The following ZMYM1 variants were observed in gnomAD, a reference collection of about 807,000 sequenced individuals.
ZMYM1 encodes the protein zinc finger MYM-type containing 1.
A neutral mutation model predicts 60.0 loss-of-function variants in ZMYM1; 39 were observed. The ratio of observed to expected loss-of-function variants is 0.65; its 90% CI spans 0.50 to 0.85. ZMYM1 has a LOEUF of 0.85. Ranked by LOEUF, ZMYM1 falls within the 40% of genes least tolerant of loss-of-function variation. The probability of loss-of-function intolerance (pLI) is 0.00; values close to 1 mark genes in which losing one functional copy is unlikely to be tolerated. For missense variants in ZMYM1, 1,171 were observed against 1,309.5 expected, an observed-to-expected ratio of 0.89 and a Z score of 1.63; for synonymous variants, 413 against 454.0, an observed-to-expected ratio of 0.91 and a Z score of 1.15.
intron 6 of ZMYM1, among the ~76,000 whole-genome samples, chr1:35,106,170 G>T (rs1643884097): frequency 6.6e-6 from 1 of 152,120 alleles, no homozygotes. Context: ...AGTATTATTT[G>T]TCCCTATTTC....
At chr1:35,108,650 G>A (rs1330322321) in intron 6 of ZMYM1, among the ~76,000 whole-genome samples, 1 of 151,310 alleles carries the variant, frequency 6.6e-6, no homozygotes, top group African/African-American at 2.4e-5. Context: ...ACCGTGCCCA[G>A]CCTGTCTGTG....
In ZMYM1 at chr1:35,088,470, G is replaced by A. The variant is rs1376840907; in HGVS notation, c.-74-5444G>A. On this transcript the variant is annotated intron_variant, in intron 1 of 9. Coordinates refer to ENST00000359858, the MANE Select transcript of ZMYM1 (RefSeq NM_024772.5). ...TATATATATATGTGTGTGTGTGTGT[G>A]TGTGTGTGTGTGTGTGTGTGTGTGT... is the stretch of plus-strand genomic sequence containing the variant. 7.1e-3 allele frequency among the ~76,000 whole-genome samples: 998 copies of A among 140,126 alleles called. 21 individuals are homozygous for A. Among genetic ancestry groups the A allele is most frequent in the African/African-American group, 0.02 (786 of 38,374 alleles). The allele number at this position is 140,126 out of a possible 152,430, so 91.9% of individuals were successfully genotyped here.
chr1:35,113,690 T>C lies in ZMYM1; in HGVS notation c.1860T>C (p.Asp620=). ...ATAACAGTACACAAATTCAAAGTGA[T>C]ATTATCGAAATAATAAAGACTGAAA... ...DFYNSTQIQS[D]IIEIIKTEML... is the part of the protein sequence containing the mutation. Residue 620 remains aspartate (D), a synonymous_variant, in exon 10 of 10, where the codon GAT becomes GAC. Transcript: ENST00000359858. 5.6e-6 allele frequency: 9 copies of C among 1,613,676 alleles called. No homozygotes were observed. Among genetic ancestry groups the C allele is most frequent in the Non-Finnish European group, 6.8e-6 (8 of 1,179,818 alleles).
chr1:35,079,612 G>T (rs1490401073), intron 1 of ZMYM1, among the ~76,000 whole-genome samples, 170 bp downstream of exon 1: 1 of 152,190 alleles, frequency 6.6e-6, no homozygotes, highest in Non-Finnish European at 1.5e-5. Flanking sequence ...TCCGGGCCAG[G>T]CCCTGACGTG....
chr1:35,090,947 C>CA (rs886874837), intron 1 of ZMYM1, among the ~76,000 whole-genome samples: 472 of 135,418 alleles, frequency 3.5e-3, no homozygotes, highest in Non-Finnish European at 5.2e-3. Flanking sequence ...ACTCTTGTCT[C>CA]AAAAAAAAAA....
chr1:35,114,882 A>G lies in ZMYM1; in HGVS notation c.3052A>G (p.Lys1018Glu), dbSNP rs201597322. The change falls in exon 10 of 10, where the codon AAA (lysine) becomes GAA (glutamate). Residue 1018 changes from lysine (K) to glutamate (E), a missense_variant. Transcript: ENST00000359858. ...TTAKHVQEFYKLDEDIIPELR... is the reference protein window; with the variant it reads ...TTAKHVQEFYELDEDIIPELR... Reference sequence around the variant, plus strand: ...AGCAAAACATGTTCAGGAATTTTATAAACTTGATGAGGACATTATCCCAGA... The same window carrying G: ...AGCAAAACATGTTCAGGAATTTTATGAACTTGATGAGGACATTATCCCAGA... The G allele has an allele frequency of 5.5e-5, 88 of 1,606,678 alleles. No individual in the cohort carries two copies. Among genetic ancestry groups the G allele is most frequent in the Middle Eastern group, 1.7e-4 (1 of 6,034 alleles).
At chr1:35,118,562 C>G (rs1344207387), downstream of ZMYM1, among the ~76,000 whole-genome samples, 4 of 152,006 alleles carry the variant, frequency 2.6e-5, no homozygotes, top group African/African-American at 9.7e-5. Context: ...AAAAAATTAG[C>G]CAGGCGCAGT....
chr1:35,101,211 C>T (rs532663972), intron 4 of ZMYM1, among the ~76,000 whole-genome samples: 4 of 149,722 alleles, frequency 2.7e-5, no homozygotes, highest in Admixed American at 6.8e-5. Flanking sequence ...CAGGTTCAAG[C>T]GATTCTTCTG....
At chr1:35,072,919 T>A (rs1642092889) in intron 1 of ZMYM1, among the ~76,000 whole-genome samples, 1 of 151,952 alleles carries the variant, frequency 6.6e-6, no homozygotes, top group Non-Finnish European at 1.5e-5. Context: ...CTGTCTCTAC[T>A]AAAAATACAA....
chr1:35,097,671 T>A, intron 4 of ZMYM1, 105 bp downstream of exon 4: 2 of 1,402,914 alleles, frequency 1.4e-6, no homozygotes, highest in Non-Finnish European at 2.0e-6. Flanking sequence ...TGAGACTGAG[T>A]TTGACTCTTG....
In ZMYM1 at chr1:35,113,371, A is replaced by G; in HGVS notation, c.1541A>G (p.Glu514Gly). Residue 514 changes from glutamate to glycine, a missense_variant, in exon 10 of 10, where the codon GAA (glutamate) becomes GGA (glycine). Coordinates refer to ENST00000359858, the MANE Select transcript of ZMYM1 (RefSeq NM_024772.5). The stretch of plus-strand genomic sequence containing the variant: ...ACCCTGGAAAAATTCAGAAAGCATG[A>G]AAAAAGTGAAATGCATTTGAAGTCA... ...KKTLEKFRKH[E>G]KSEMHLKSLE... The G allele has an allele frequency of 1.9e-6, 3 of 1,613,558 alleles. No individual in the cohort carries two copies. Among genetic ancestry groups the G allele is most frequent in the Non-Finnish European group, 2.5e-6 (3 of 1,179,882 alleles).
rs879010917 is a variant in ZMYM1 at position 35,088,568 on chromosome 1, A to G, written c.-74-5346A>G. ...GTATTGCCCAGCAGGAAGATGTGCAACATTCATCCTTTGACTATTAATACC... is the reference window on the plus strand; with the variant it reads ...GTATTGCCCAGCAGGAAGATGTGCAGCATTCATCCTTTGACTATTAATACC... On this transcript the variant is annotated intron_variant, in intron 1 of 9. Coordinates refer to ENST00000359858, the MANE Select transcript of ZMYM1 (RefSeq NM_024772.5). 6.0e-5 allele frequency among the ~76,000 whole-genome samples: 9 copies of G among 149,634 alleles called. No homozygotes were observed. In the Admixed American group the frequency reaches 6.1e-4, roughly 10 times the overall value.
rs199898245 is a variant in ZMYM1 at position 35,113,096 on chromosome 1, A to G, written c.1266A>G (p.Glu422=). 1.9e-6 allele frequency: 3 copies of G among 1,614,132 alleles called. No homozygotes were observed. Among genetic ancestry groups the G allele is most frequent in the Non-Finnish European group, 2.5e-6 (3 of 1,179,996 alleles). ...AGCATGCAATTGGTTCCAGTACAGA[A>G]GTACAAAAAGACAATATGAAATCTA... ...FSQHAIGSST[E]VQKDNMKSMK... is the part of the protein sequence containing the mutation. The change falls in exon 10 of 10, where the codon GAA becomes GAG. Residue 422 remains glutamate (E), a synonymous_variant. Transcript: ENST00000359858.
At chr1:35,089,104 G>A (rs541935851) in intron 1 of ZMYM1, among the ~76,000 whole-genome samples, 2 of 152,134 alleles carry the variant, frequency 1.3e-5, no homozygotes, top group African/African-American at 2.4e-5. Context: ...GAGCCACTGC[G>A]CCCAGCCTCC....
At position 35,111,826 on chromosome 1, in the gene ZMYM1, A is replaced by C. The variant is rs769627238; in HGVS notation, c.1016A>C (p.Lys339Thr). The C allele has an allele frequency of 6.2e-7, 1 of 1,608,382 alleles. No individual in the cohort carries two copies. The highest frequency in any genetic ancestry group is 8.5e-7 in the Non-Finnish European group (1 of 1,176,232). ...DTSTELLSPK[K>T]DTTPVISNIV... ...TCAACAGAGCTTCTTTCTCCAAAGAAAGATACGACTCCAGTTATAAGCAAT... is the reference window on the plus strand; with the variant it reads ...TCAACAGAGCTTCTTTCTCCAAAGACAGATACGACTCCAGTTATAAGCAAT... Residue 339 changes from lysine to threonine, a missense_variant, in exon 8 of 10, where the codon AAA (lysine) becomes ACA (threonine). Transcript: ENST00000359858.
intron 9 of ZMYM1, 89 bp downstream of exon 9, chr1:35,112,219 C>G (rs928915988): frequency 1.0e-5 from 14 of 1,383,478 alleles, no homozygotes; most frequent in Admixed American, 1.7e-5. Context: ...GCTCTGCCAC[C>G]CAAGCTGGAG....
At chr1:35,072,092 C>T (rs1384228150) in intron 1 of ZMYM1, among the ~76,000 whole-genome samples, 1 of 152,180 alleles carries the variant, frequency 6.6e-6, no homozygotes, top group Non-Finnish European at 1.5e-5. Flanking sequence ...CGAGATCACG[C>T]CATTGCATTC....
chr1:35,108,048 G>C (rs912377727), intron 6 of ZMYM1, among the ~76,000 whole-genome samples: 2 of 151,876 alleles, frequency 1.3e-5, no homozygotes, highest in Non-Finnish European at 2.9e-5. Flanking sequence ...GAAGGTAAAG[G>C]TTGTAGTGAG....
intron 6 of ZMYM1, among the ~76,000 whole-genome samples, chr1:35,108,758 C>T (rs1643984412): frequency 7.1e-6 from 1 of 140,782 alleles, no homozygotes; most frequent in Non-Finnish European, 1.5e-5. Context: ...AGGATGGAGG[C>T]TGGAGTGCAT....
Sources: gnomAD v4.1 joint callset for allele counts (sites outside exome capture counted in the v4.1 genomes callset) on GRCh38, gnomAD v4.1.1 for gene constraint, MANE v1.5 for transcripts, NCBI Gene and HGNC (gene_info 2026-07-23, HGNC 2026-07-21) for gene names.